Variants in GPC5 observed in about 807,000 individuals in gnomAD.
The protein encoded by GPC5 is glypican 5.
In GPC5, 47 loss-of-function variants were observed where a neutral mutation model predicts 53.9. The observed-to-expected ratio is 0.87, with a 90% CI of 0.69 to 1.11. The LOEUF (loss-of-function observed/expected upper bound fraction) is 1.11. Among genes scored for constraint, GPC5 ranks in the 50% most tolerant of loss-of-function variants. The probability of loss-of-function intolerance (pLI) is 0.00; values close to 1 mark genes in which losing one functional copy is unlikely to be tolerated. For missense variants in GPC5, 748 were observed against 713.1 expected (o/e 1.05, Z -0.56); for synonymous variants, 286 against 263.3 (o/e 1.09, Z -0.84).
At chr13:92,752,975 G>A (rs1181715499) in intron 7 of GPC5, among the ~76,000 whole-genome samples, 8 of 152,292 alleles carry the variant, frequency 5.3e-5, no homozygotes, top group African/African-American at 1.4e-4. Context: ...GCTCGAACTG[G>A]GTGGAGCCCA....
chr13:92,640,521 A>G (rs1293061201), intron 7 of GPC5, among the ~76,000 whole-genome samples: 7 of 152,026 alleles, frequency 4.6e-5, no homozygotes, highest in Non-Finnish European at 7.4e-5. Context: ...CGGCCTCCCA[A>G]AGTGCTGGGA....
intron 2 of GPC5, among the ~76,000 whole-genome samples, chr13:91,635,911 A>T (rs1239853105): frequency 1.3e-5 from 2 of 152,174 alleles, no homozygotes; most frequent in Non-Finnish European, 2.9e-5. Context: ...CAAGAAGAAG[A>T]TGATATCTCT....
At position 92,256,156 on chromosome 13, in the gene GPC5, G is replaced by C. The variant is rs1192112302; in HGVS notation, c.1561+111167G>C. Among the ~76,000 whole-genome samples the C allele has an allele frequency of 3.3e-5, 5 of 151,340 alleles. No homozygotes were observed. The East Asian group carries it at 9.7e-4, about 29-fold the overall frequency. ...ATTTTTAATATAGAGATATAATATA[G>C]ATATAATATATAGAGAGATATAAAT... is the stretch of plus-strand genomic sequence containing the variant. On this transcript the variant is annotated intron_variant, in intron 7 of 7. Coordinates refer to ENST00000377067, the MANE Select transcript of GPC5 (RefSeq NM_004466.6).
chr13:92,196,660 T>C (rs2042258658), intron 7 of GPC5, among the ~76,000 whole-genome samples: 1 of 152,232 alleles, frequency 6.6e-6, no homozygotes, highest in African/African-American at 2.4e-5. Flanking sequence ...AACATTTCTC[T>C]AGCTGCTCAG....
chr13:92,757,234 G>A lies in GPC5; in HGVS notation c.1562-109048G>A, dbSNP rs576166039. 1.2e-3 allele frequency among the ~76,000 whole-genome samples: 182 copies of A among 152,312 alleles called. 1 individual carries two copies. The highest frequency in any genetic ancestry group is 2.1e-3 in the Non-Finnish European group (146 of 68,034). ...CTGACAAAAACAAGAAATGGGGAAA[G>A]GATTCGTATTTAATAAATGGTGCTG... On this transcript the variant is annotated intron_variant, in intron 7 of 7. Coordinates refer to ENST00000377067, the MANE Select transcript of GPC5 (RefSeq NM_004466.6).
intron 5 of GPC5, among the ~76,000 whole-genome samples, chr13:91,901,601 C>T (rs2039497577): frequency 6.6e-6 from 1 of 151,972 alleles, no homozygotes. Flanking sequence ...TTACAAAAAC[C>T]AAATCTCTAG....
chr13:92,461,308 G>T, intron 7 of GPC5, among the ~76,000 whole-genome samples: 1 of 152,156 alleles, frequency 6.6e-6, no homozygotes, highest in East Asian at 1.9e-4. Flanking sequence ...TTAGGCATGA[G>T]ATTATAATAA....
chr13:91,438,872 C>T (rs1273044898), intron 1 of GPC5, among the ~76,000 whole-genome samples: 1 of 152,168 alleles, frequency 6.6e-6, no homozygotes, highest in South Asian at 2.1e-4. Flanking sequence ...GGGCGCCCCT[C>T]CCCCAGCCTC....
chr13:92,576,450 G>C (rs567722093), intron 7 of GPC5, among the ~76,000 whole-genome samples: 1 of 152,274 alleles, frequency 6.6e-6, no homozygotes, highest in East Asian at 1.9e-4. Flanking sequence ...TAAGTTCCCT[G>C]TACATGCATC....
chr13:92,092,762 G>C (rs1332811718), intron 6 of GPC5, among the ~76,000 whole-genome samples: 1 of 152,122 alleles, frequency 6.6e-6, no homozygotes, highest in Admixed American at 6.6e-5. Context: ...TTTTAAAGGA[G>C]AGGACAATAA....
intron 5 of GPC5, among the ~76,000 whole-genome samples, chr13:91,843,158 A>G (rs2038809371): frequency 1.3e-5 from 2 of 152,230 alleles, no homozygotes; most frequent in East Asian, 1.9e-4. Flanking sequence ...GCTACACACC[A>G]GAAGAAACAT....
intron 2 of GPC5, among the ~76,000 whole-genome samples, chr13:91,635,672 A>G (rs2139448388): frequency 6.6e-6 from 1 of 152,238 alleles, no homozygotes; most frequent in East Asian, 1.9e-4. Context: ...TTTCAGCTTT[A>G]TATTTTCCAA....
chr13:92,104,183 C>G (rs1312331160), intron 6 of GPC5, among the ~76,000 whole-genome samples: 2 of 152,118 alleles, frequency 1.3e-5, no homozygotes, highest in East Asian at 1.9e-4. Context: ...CAAACCCATT[C>G]TGCTTCATCC....
intron 7 of GPC5, among the ~76,000 whole-genome samples, chr13:92,409,354 C>T (rs950854241): frequency 1.6e-4 from 24 of 151,586 alleles, no homozygotes; most frequent in Admixed American, 5.3e-4. Flanking sequence ...AGAATCATAA[C>T]GAAGGTAACC....
intron 7 of GPC5, among the ~76,000 whole-genome samples, chr13:92,700,879 TTC>T (rs1566371255): frequency 2.0e-5 from 3 of 152,088 alleles, no homozygotes; most frequent in East Asian, 1.9e-4. Flanking sequence ...ATTCAGATCA[TTC>T]TCTGTCTTTG....
chr13:92,539,705 CT>C (rs928566845), intron 7 of GPC5, among the ~76,000 whole-genome samples: 7 of 151,772 alleles, frequency 4.6e-5, no homozygotes, highest in Non-Finnish European at 8.8e-5. Flanking sequence ...CTTTTGCCTC[CT>C]TATAGCCTCC....
At chr13:92,643,877 T>TA (rs35575482) in intron 7 of GPC5, among the ~76,000 whole-genome samples, 74 of 131,144 alleles carry the variant, frequency 5.6e-4, no homozygotes, top group African/African-American at 1.5e-3. Context: ...TAAAGTATAA[T>TA]AAAAAAAGAA....
intron 7 of GPC5, among the ~76,000 whole-genome samples, chr13:92,382,280 G>A (rs1009778691): frequency 2.6e-5 from 4 of 151,942 alleles, no homozygotes; most frequent in Admixed American, 1.3e-4. Flanking sequence ...ATACTGCTCC[G>A]GTGATGGGTG....
intron 6 of GPC5, among the ~76,000 whole-genome samples, chr13:92,124,248 G>GA (rs34042033): frequency 0.067 from 3,691 of 54,934 alleles, 221 homozygotes; most frequent in Middle Eastern, 0.12. Context: ...CGGACAGAAT[G>GA]AAAAAAAAAA....
Sources: allele counts gnomAD v4.1 joint callset (sites outside exome capture counted in the v4.1 genomes callset), GRCh38; gene constraint gnomAD v4.1.1; transcripts MANE v1.5; gene names NCBI Gene and HGNC (gene_info 2026-07-23, HGNC 2026-07-21).